ACTN3: variants seen among roughly 807,000 people sequenced by gnomAD.
ACTN3 encodes alpha-actinin-3.
Under a neutral mutation model 119.6 loss-of-function variants are expected in ACTN3, and 91 were observed. The observed-to-expected ratio is 0.76, with a 90% CI of 0.64 to 0.91. The LOEUF (loss-of-function observed/expected upper bound fraction) is 0.91. Ranked by LOEUF, ACTN3 falls within the 40% of genes least tolerant of loss-of-function variation. The pLI, the probability that ACTN3 is intolerant of heterozygous loss-of-function variation, is 0.00. For missense variants in ACTN3, 1,221 were observed against 1,215.1 expected (o/e 1.00, Z -0.07); for synonymous variants, 456 against 478.8 (o/e 0.95, Z 0.62).
rs1231202783 is a variant in ACTN3 at position 66,561,235 on chromosome 11, G to C, written c.1869G>C (p.Lys623Asn). 5 of 1,572,454 alleles carry C rather than the reference G, an allele frequency of 3.2e-6. No homozygotes were observed. Among genetic ancestry groups the C allele is most frequent in the Non-Finnish European group, 4.3e-6 (5 of 1,161,714 alleles). Residue 623 changes from lysine (K) to asparagine (N), a missense_variant, in exon 16 of 21, where the codon AAG (lysine) becomes AAC (asparagine). Around this residue, in one of 3 missense-constraint regions of ACTN3, gnomAD observed 934 missense variants for 899.9 expected, o/e 1.04. Coordinates refer to ENST00000513398, the MANE Select transcript of ACTN3 (RefSeq NM_001104.4). ...AACTGCCCTCCTCCCAGGTCCGAAA[G>C]CTGGTGCCCAGCTGTGACCAGACAC... ...DINTKWDMVR[K>N]LVPSCDQTLQ...
chr11:66,563,255 T>A lies in ACTN3; in HGVS notation c.*62T>A. On this transcript the variant is annotated 3_prime_UTR_variant, in exon 21 of 21. Transcript: ENST00000513398. ...AGGATGCACCCTGTGGCTGATCCCA[T>A]CCGTCCCTCGGAGCAAGGGCCTAAG... The A allele has an allele frequency of 6.6e-7, 1 of 1,517,478 alleles. No homozygotes were observed. The highest frequency in any genetic ancestry group is 8.8e-7 in the Non-Finnish European group (1 of 1,130,836). 94.0% of individuals were successfully genotyped at this position (1,517,478 alleles called of 1,614,324 possible).
intron 1 of ACTN3, chr11:66,551,036 C>T (rs1408793981): frequency 1.5e-6 from 1 of 674,800 alleles, no homozygotes. Context: ...TCACAGACCC[C>T]ATTTCTCCCC....
At chr11:66,553,853 C>CAA (rs11448724) in intron 3 of ACTN3, among the ~76,000 whole-genome samples, 192 bp from the exon 4 acceptor site, 83 of 81,594 alleles carry the variant, frequency 1.0e-3, no homozygotes, top group African/African-American at 1.2e-3. Context: ...GACTCCATCT[C>CAA]AAAAAAAAAA....
chr11:66,555,081 G>A (rs370549158), intron 5 of ACTN3, 49 bp from the exon 6 acceptor site: 27 of 1,586,098 alleles, frequency 1.7e-5, no homozygotes, highest in Non-Finnish European at 1.9e-5. Context: ...AGGGGAGAAC[G>A]GGGCCCCAGC....
chr11:66,546,743 C>T (rs529919939), upstream of ACTN3: 5 of 1,535,654 alleles, frequency 3.3e-6, no homozygotes, highest in South Asian at 1.2e-5. Context: ...ACCCCGGCGC[C>T]CCCGAGTCCC....
chr11:66,559,518 C>T, intron 12 of ACTN3, 132 bp downstream of exon 12: 4 of 946,814 alleles, frequency 4.2e-6, no homozygotes, highest in Non-Finnish European at 4.5e-6. Context: ...CCGTGGTACC[C>T]AGGTCCCATT....
rs1287734503 is a variant in ACTN3, at chr11:66,559,294, G to C, written c.1335G>C (p.Arg445=). 1 of 1,574,558 alleles carries C rather than the reference G, an allele frequency of 6.4e-7. No individual in the cohort carries two copies. Among genetic ancestry groups the C allele is most frequent in the African/African-American group, 1.4e-5 (1 of 71,310 alleles). The stretch of plus-strand genomic sequence containing the variant: ...ATTCGGCTTTGCTACAGGAGGTGCG[G>C]GCGTTGCTGCGGCGCCACGAGGCCT... ...DYDSALLQEV[R]ALLRRHEAFE... is the part of the protein sequence containing the mutation. The change falls in exon 12 of 21, where the codon CGG becomes CGC. Residue 445 remains arginine (R), a synonymous_variant. Coordinates refer to ENST00000513398, the MANE Select transcript of ACTN3 (RefSeq NM_001104.4).
At chr11:66,548,859 A>C (rs945484607) in intron 1 of ACTN3, among the ~76,000 whole-genome samples, 1 of 151,550 alleles carries the variant, frequency 6.6e-6, no homozygotes, top group African/African-American at 2.4e-5. Context: ...CATCCATCCA[A>C]TCCTGCCTTG....
chr11:66,558,207 C>G, intron 11 of ACTN3, 33 bp downstream of exon 11: 1 of 1,607,308 alleles, frequency 6.2e-7, no homozygotes, highest in South Asian at 1.1e-5. Context: ...GCTGGACTGT[C>G]TCTTGGGGTG....
At position 66,549,408 on chromosome 11, in the gene ACTN3, TC is replaced by T. The variant is rs1314940879; in HGVS notation, c.148-1828del. The stretch of plus-strand genomic sequence containing the variant: ...AATGACTCTTGGATGGACTGTGAGC[TC>T]CCTTAGGGCAGGAACCACATCTCAT... On this transcript the variant is annotated intron_variant, in intron 1 of 20. Transcript: ENST00000513398. Among the ~76,000 whole-genome samples, 7 of 152,082 alleles carry T rather than the reference TC, an allele frequency of 4.6e-5. No individual in the cohort carries two copies. In the East Asian group the frequency reaches 1.2e-3, roughly 25 times the overall value.
chr11:66,561,473 G>C lies in ACTN3; in HGVS notation c.2011G>C (p.Ala671Pro), dbSNP rs767757534. ...ACCCCTGCAGGAAGTGGGGCGGCTG[G>C]CAGCAGGGCTAGCTGGCTCTCTGGA... is the stretch of plus-strand genomic sequence containing the variant. ...QAKVEEVGRL[A>P]AGLAGSLEEQ... Residue 671 changes from alanine to proline, a missense_variant, in exon 17 of 21, where the codon GCA becomes CCA. Physicochemically the swap from Ala to Pro is conservative, Grantham distance 27. Coordinates refer to ENST00000513398, the MANE Select transcript of ACTN3 (RefSeq NM_001104.4). 6.2e-7 allele frequency: 1 copy of C among 1,600,770 alleles called. No homozygotes were observed. Among genetic ancestry groups the C allele is most frequent in the Admixed American group, 1.7e-5 (1 of 57,266 alleles).
In ACTN3 at chr11:66,563,050, G is replaced by A. The variant is rs199599736; in HGVS notation, c.2563G>A (p.Glu855Lys). The A allele has an allele frequency of 9.7e-5, 156 of 1,612,120 alleles. No individual in the cohort carries two copies. The Middle Eastern group carries it at 1.2e-3, about 12-fold the overall frequency. ...LAGDKNYITP[E>K]ELRRELPAKQ... ...TTCTCCCCAGAACTACATCACCCCC[G>A]AGGAGCTGCGGCGCGAGCTCCCTGC... The change falls in exon 21 of 21, where the codon GAG becomes AAG. Residue 855 changes from glutamate (E) to lysine (K), a missense_variant. Physicochemically the swap from Glu to Lys is moderately conservative, Grantham distance 56. Around this residue, in one of 3 missense-constraint regions of ACTN3, gnomAD observed 934 missense variants for 899.9 expected, o/e 1.04. Coordinates refer to ENST00000513398, the MANE Select transcript of ACTN3 (RefSeq NM_001104.4).
In ACTN3 at chr11:66,551,256, C is replaced by CCA. The variant is rs1345142325; in HGVS notation, c.165_166insCA (p.Asn56GlnfsTer80). The CCA allele has an allele frequency of 6.2e-7, 1 of 1,610,716 alleles. No individual in the cohort carries two copies. Among genetic ancestry groups the CCA allele is most frequent in the Non-Finnish European group, 8.5e-7 (1 of 1,178,516 alleles). On this transcript the variant is annotated frameshift_variant, in exon 2 of 21. Coordinates refer to ENST00000513398, the MANE Select transcript of ACTN3 (RefSeq NM_001104.4). LOFTEE classifies it high-confidence loss of function. ...GCCCCTAGACCTTCACTGCCTGGTG[C>CCA]AACTCACACCTGCGCAAGGCAGGCA...
rs1227357437 is a variant in ACTN3 at position 66,560,647 on chromosome 11, C to CATCCAGGGTGAG, written c.1759_1770dup (p.Gly587_Gln590dup). 3.7e-6 allele frequency: 6 copies of CATCCAGGGTGAG among 1,613,796 alleles called. No homozygotes were observed. The highest frequency in any genetic ancestry group is 5.1e-6 in the Non-Finnish European group (6 of 1,179,898). The stretch of plus-strand genomic sequence containing the variant: ...ACCGAGAGCGAGGTGCCATCATGGG[C>CATCCAGGGTGAG]ATCCAGGGTGAGATCCAGAAGATCT... On this transcript the variant is annotated inframe_insertion, in exon 15 of 21. Transcript: ENST00000513398.
At position 66,563,209 on chromosome 11, in the gene ACTN3, T is replaced by TGG. The variant is rs754332746; in HGVS notation, c.*16_*17insGG. On this transcript the variant is annotated 3_prime_UTR_variant, in exon 21 of 21. Transcript: ENST00000513398. The stretch of plus-strand genomic sequence containing the variant: ...CGACCTTTGACCCCAACCACTGAGG[T>TGG]TCTCTATGCAAGATGGAGAGAGGAT... 4 of 1,585,982 alleles carry TGG rather than the reference T, an allele frequency of 2.5e-6. No homozygotes were observed. In the East Asian group the frequency reaches 9.0e-5, roughly 36 times the overall value.
intron 1 of ACTN3, among the ~76,000 whole-genome samples, chr11:66,549,810 A>G (rs1405850707): frequency 6.7e-6 from 1 of 150,246 alleles, no homozygotes; most frequent in East Asian, 1.9e-4. Context: ...TTCCAAACTC[A>G]AAGCATCTTA....
rs756399314 is a variant in ACTN3, at chr11:66,557,853, A to T, written c.1052A>T (p.Asn351Ile). The T allele has an allele frequency of 1.2e-6, 2 of 1,614,066 alleles. No homozygotes were observed. Among genetic ancestry groups the T allele is most frequent in the Admixed American group, 1.7e-5 (1 of 59,992 alleles). The change falls in exon 10 of 21, where the codon AAC becomes ATC. Residue 351 changes from asparagine (N) to isoleucine (I), a missense_variant. By Grantham distance (149) the Asn-to-Ile change is moderately radical. Coordinates refer to ENST00000513398, the MANE Select transcript of ACTN3 (RefSeq NM_001104.4). Reference sequence around the variant, plus strand: ...CAGGAAAAGTGCCAGCTGGAGATCAACTTCAACACACTGCAGACCAAGTTG... The same window carrying T: ...CAGGAAAAGTGCCAGCTGGAGATCATCTTCAACACACTGCAGACCAAGTTG... The part of the protein sequence containing the change: ...RIQEKCQLEI[N>I]FNTLQTKLRL...
chr11:66,555,442 C>T (rs570302353), intron 7 of ACTN3, 75 bp downstream of exon 7: 38 of 1,473,952 alleles, frequency 2.6e-5, no homozygotes, highest in African/African-American at 6.9e-5. Flanking sequence ...CACCTTTGCA[C>T]GGCCCTTTCC....
Position 66,563,054 on chromosome 11 carries a change from A to T in ACTN3, c.2567A>T (p.Glu856Val), listed in dbSNP as rs115296201. 1,996 of 1,612,246 alleles carry T rather than the reference A, an allele frequency of 1.2e-3. 29 individuals carry two copies. The African/African-American group carries it at 0.022, about 18-fold the overall frequency. ...CCCCAGAACTACATCACCCCCGAGG[A>T]GCTGCGGCGCGAGCTCCCTGCCAAG... The part of the protein sequence containing the change: ...AGDKNYITPE[E>V]LRRELPAKQA... The change falls in exon 21 of 21, where the codon GAG becomes GTG. Residue 856 changes from glutamate (E) to valine (V), a missense_variant. Glu to Val is a moderately radical substitution (Grantham distance 121). This residue lies in a region of ACTN3 where 934 missense variants were observed against 899.9 expected (regional missense o/e 1.04). Transcript: ENST00000513398.
Sources: gnomAD v4.1 joint callset for allele counts (sites outside exome capture counted in the v4.1 genomes callset) on GRCh38, gnomAD v4.1.1 for gene constraint, gnomAD v4.1.1 regional missense constraint, MANE v1.5 for transcripts, NCBI Gene and HGNC (gene_info 2026-07-23, HGNC 2026-07-21) for gene names.